Variants in PPP4R2 observed in about 807,000 individuals in gnomAD.
The protein encoded by PPP4R2 is protein phosphatase 4 regulatory subunit 2, also known as serine/threonine-protein phosphatase 4 regulatory subunit 2.
In PPP4R2, 13 loss-of-function variants were observed where a neutral mutation model predicts 47.2. The observed-to-expected ratio is 0.28, with a 90% CI of 0.18 to 0.44. PPP4R2 has a LOEUF of 0.44. Among genes scored for constraint, PPP4R2 ranks in the 20% least tolerant of loss-of-function variants. The pLI is 1.00. For synonymous variants in PPP4R2, 151 were observed against 163.3 expected, an observed-to-expected ratio of 0.92 and a Z score of 0.57; for missense variants, 421 against 491.2, an observed-to-expected ratio of 0.86 and a Z score of 1.35.
chr3:73,055,417 CGTGTGTGTGTGT>C (rs10663655), intron 3 of PPP4R2, among the ~76,000 whole-genome samples: 6,370 of 137,400 alleles, frequency 0.046, 178 homozygotes, highest in South Asian at 0.08. Context: ...AGTGGGGTAG[CGTGTGTGTGTGT>C]GTGTGTGTGT....
intron 3 of PPP4R2, among the ~76,000 whole-genome samples, chr3:73,054,538 A>G (rs1277885907): frequency 6.6e-6 from 1 of 152,100 alleles, no homozygotes; most frequent in Admixed American, 6.5e-5. Context: ...AGACACCACT[A>G]ATGTGGTCAT....
intron 2 of PPP4R2, among the ~76,000 whole-genome samples, chr3:73,001,042 C>A (rs1246009316): frequency 6.6e-6 from 1 of 152,066 alleles, no homozygotes; most frequent in Non-Finnish European, 1.5e-5. Flanking sequence ...TCCTTATTCT[C>A]TGGTATAAGA....
intron 2 of PPP4R2, among the ~76,000 whole-genome samples, chr3:73,005,179 G>C (rs1318112979): frequency 6.6e-6 from 1 of 152,022 alleles, no homozygotes; most frequent in African/African-American, 2.4e-5. Flanking sequence ...TTGACCTCGT[G>C]ATCTCCCCGC....
intron 2 of PPP4R2, among the ~76,000 whole-genome samples, chr3:73,002,365 C>A (rs1701485415): frequency 6.6e-6 from 1 of 152,170 alleles, no homozygotes; most frequent in South Asian, 2.1e-4. Flanking sequence ...ATCCTCTTGC[C>A]TCAGCCTCCT....
chr3:73,059,233 T>C, intron 4 of PPP4R2, 103 bp downstream of exon 4: 3 of 584,134 alleles, frequency 5.1e-6, no homozygotes, highest in Non-Finnish European at 8.6e-6. Context: ...CTTCTTGAAA[T>C]ATGTTTTTCA....
chr3:73,066,982 A>G lies in PPP4R2; in HGVS notation c.*1260A>G, dbSNP rs1028337487. On this transcript the variant is annotated 3_prime_UTR_variant, in exon 9 of 9. Coordinates refer to ENST00000356692, the MANE Select transcript of PPP4R2 (RefSeq NM_174907.4). ...CATGCAAGCTGTAACTTCCCTGTCA[A>G]AATTACTGGCTGCCAAATTTATACC... 3.9e-5 allele frequency: 6 copies of G among 152,118 alleles called. No homozygotes were observed. The highest frequency in any genetic ancestry group is 8.8e-5 in the Non-Finnish European group (6 of 67,962). 9.4% of individuals were successfully genotyped at this position (152,118 alleles called of 1,614,324 possible).
At chr3:73,012,064 T>TATA (rs963746058) in intron 2 of PPP4R2, among the ~76,000 whole-genome samples, 9 of 152,316 alleles carry the variant, frequency 5.9e-5, no homozygotes, top group African/African-American at 2.2e-4. Flanking sequence ...CCTTGTTATA[T>TATA]GTGGGTGATT....
chr3:73,031,484 G>A (rs1028944436), intron 2 of PPP4R2, among the ~76,000 whole-genome samples: 8 of 152,120 alleles, frequency 5.3e-5, no homozygotes, highest in African/African-American at 1.7e-4. Flanking sequence ...GGAGGTTGTA[G>A]TGAGCCGAGA....
intron 5 of PPP4R2, 47 bp from the exon 6 acceptor site, chr3:73,063,626 C>T: frequency 1.7e-6 from 2 of 1,157,738 alleles, no homozygotes; most frequent in Non-Finnish European, 2.6e-6. Context: ...CAGACTCCAT[C>T]TAAAAAAAAA....
chr3:73,048,845 A>G (rs1465443838), intron 3 of PPP4R2, among the ~76,000 whole-genome samples: 1 of 152,182 alleles, frequency 6.6e-6, no homozygotes, highest in Non-Finnish European at 1.5e-5. Context: ...ATCATATTCC[A>G]CTGTTTTTAG....
chr3:73,047,611 C>G (rs1209265698), intron 3 of PPP4R2, among the ~76,000 whole-genome samples: 3 of 152,120 alleles, frequency 2.0e-5, no homozygotes, highest in East Asian at 3.8e-4. Context: ...AATGGTTTTT[C>G]TTTCCTGTTT....
At chr3:73,056,447 C>T (rs72877546) in intron 3 of PPP4R2, among the ~76,000 whole-genome samples, 1,759 of 152,250 alleles carry the variant, frequency 0.012, 38 homozygotes, top group African/African-American at 0.04. Context: ...CCTTTCAATG[C>T]TGTTACGTTC....
rs15295 is a variant in PPP4R2, at chr3:73,069,121, C to A, written c.*3399C>A. ...AAATCAGTACACTCTTCAGGATTTTCTTTTATTTCAACTTGGAGCCTAGAT... is the reference window on the plus strand; with the variant it reads ...AAATCAGTACACTCTTCAGGATTTTATTTTATTTCAACTTGGAGCCTAGAT... On this transcript the variant is annotated 3_prime_UTR_variant, in exon 9 of 9. Transcript: ENST00000356692. The A allele has an allele frequency of 1.1e-4, 17 of 151,890 alleles. No individual in the cohort carries two copies. The highest frequency in any genetic ancestry group is 3.9e-4 in the African/African-American group (16 of 41,206). The allele number at this position is 151,890 out of a possible 1,614,324, so 9.4% of individuals were successfully genotyped here.
rs776145129 is a variant in PPP4R2 at position 73,012,690 on chromosome 3, T to C, written c.116+14532T>C. ...GGGCGCACTGTATTTCTATTTAAAA[T>C]TGTGCAACTAAAGGGAATTTAATAT... On this transcript the variant is annotated intron_variant, in intron 2 of 8. Coordinates refer to ENST00000356692, the MANE Select transcript of PPP4R2 (RefSeq NM_174907.4). Among the ~76,000 whole-genome samples, 10 of 152,214 alleles carry C rather than the reference T, an allele frequency of 6.6e-5. No individual in the cohort carries two copies. In the East Asian group the frequency reaches 1.3e-3, roughly 20 times the overall value.
In PPP4R2 at chr3:73,068,221, CAA is replaced by C. The variant is rs1034732676; in HGVS notation, c.*2501_*2502del. Reference sequence around the variant, plus strand: ...GGCATATTTCTTAACATATATCAAGCAAAGTCCTGTTAAAAGATCTAAATGAA... The same window carrying C: ...GGCATATTTCTTAACATATATCAAGCAGTCCTGTTAAAAGATCTAAATGAA... On this transcript the variant is annotated 3_prime_UTR_variant, in exon 9 of 9. Coordinates refer to ENST00000356692, the MANE Select transcript of PPP4R2 (RefSeq NM_174907.4). The C allele has an allele frequency of 5.9e-5, 9 of 152,156 alleles. No individual in the cohort carries two copies. Among genetic ancestry groups the C allele is most frequent in the African/African-American group, 2.2e-4 (9 of 41,522 alleles). The allele number at this position is 152,156 out of a possible 1,614,324, so 9.4% of individuals were successfully genotyped here.
At chr3:73,013,503 C>G (rs953997550) in intron 2 of PPP4R2, among the ~76,000 whole-genome samples, 1 of 152,184 alleles carries the variant, frequency 6.6e-6, no homozygotes, top group Admixed American at 6.5e-5. Context: ...AAAAATCAAA[C>G]TATACTGTTA....
intron 2 of PPP4R2, among the ~76,000 whole-genome samples, chr3:73,038,088 G>T (rs1026158562): frequency 6.6e-6 from 1 of 152,152 alleles, no homozygotes; most frequent in Non-Finnish European, 1.5e-5. Flanking sequence ...GGATAGATCA[G>T]TCCCTTTTGA....
intron 2 of PPP4R2, among the ~76,000 whole-genome samples, chr3:73,012,699 T>A (rs1701749783): frequency 1.3e-5 from 2 of 152,222 alleles, no homozygotes; most frequent in South Asian, 4.1e-4. Flanking sequence ...ATTGTGCAAC[T>A]AAAGGGAATT....
chr3:73,022,768 CTTTTT>C (rs72246096), intron 2 of PPP4R2, among the ~76,000 whole-genome samples: 1 of 136,972 alleles, frequency 7.3e-6, no homozygotes, highest in Non-Finnish European at 1.6e-5. Context: ...TGCCGCATTT[CTTTTT>C]TTTTTTTTTT....
Sources: allele counts gnomAD v4.1 joint callset (sites outside exome capture counted in the v4.1 genomes callset), GRCh38; gene constraint gnomAD v4.1.1; transcripts MANE v1.5; gene names NCBI Gene and HGNC (gene_info 2026-07-23, HGNC 2026-07-21).